Variants in ST8SIA4 observed in about 807,000 individuals in gnomAD.
The protein encoded by ST8SIA4 is ST8 alpha-N-acetyl-neuraminide alpha-2,8-sialyltransferase 4, also known as CMP-N-acetylneuraminate-poly-alpha-2,8-sialyltransferase.
A neutral mutation model predicts 33.9 loss-of-function variants in ST8SIA4; 15 were observed. The observed-to-expected ratio is 0.44, with a 90% CI of 0.30 to 0.68. ST8SIA4 has a LOEUF of 0.68. Among genes scored for constraint, ST8SIA4 ranks in the 30% least tolerant of loss-of-function variants. ST8SIA4 has a pLI of 0.10. For missense variants in ST8SIA4, 321 were observed against 428.0 expected (o/e 0.75, Z 2.21); for synonymous variants, 171 against 151.2 (o/e 1.13, Z -0.96).
At chr5:100,886,810 C>T (rs1439825720) in intron 2 of ST8SIA4, among the ~76,000 whole-genome samples, 1 of 152,042 alleles carries the variant, frequency 6.6e-6, no homozygotes, top group Non-Finnish European at 1.5e-5. Flanking sequence ...ATCATTTGCA[C>T]AGATTCTTAA....
chr5:100,886,481 T>C lies in ST8SIA4; in HGVS notation c.365A>G (p.His122Arg). ...TTCAGGTAGGAGGCTATGTAGATCA[T>C]GAGAAATGTTTAGTGTCCGGCGCCT... Reference protein sequence around the residue: ...LDRRRTLNISHDLHSLLPEVS... With the variant: ...LDRRRTLNISRDLHSLLPEVS... The change falls in exon 3 of 5, where the codon CAT becomes CGT. Residue 122 changes from histidine (H) to arginine (R), a missense_variant. Coordinates refer to ENST00000231461, the MANE Select transcript of ST8SIA4 (RefSeq NM_005668.6). 2 of 1,613,888 alleles carry C rather than the reference T, an allele frequency of 1.2e-6. No homozygotes were observed. The highest frequency in any genetic ancestry group is 1.1e-5 in the South Asian group (1 of 91,082).
intron 4 of ST8SIA4, among the ~76,000 whole-genome samples, chr5:100,816,730 A>G (rs1279960570): frequency 6.6e-6 from 1 of 152,174 alleles, no homozygotes; most frequent in Non-Finnish European, 1.5e-5. Context: ...AAATTCTTCT[A>G]TCTGGAATGT....
At chr5:100,869,764 T>G (rs1399662048) in intron 3 of ST8SIA4, among the ~76,000 whole-genome samples, 1 of 152,170 alleles carries the variant, frequency 6.6e-6, no homozygotes, top group East Asian at 1.9e-4. Flanking sequence ...CCTTCATCAT[T>G]TAAATTCAGC....
intron 3 of ST8SIA4, among the ~76,000 whole-genome samples, chr5:100,870,838 A>G (rs1041641130): frequency 6.6e-6 from 1 of 152,128 alleles, no homozygotes; most frequent in African/African-American, 2.4e-5. Flanking sequence ...TTTAAAATCA[A>G]TAAACAAAAA....
chr5:100,820,644 A>C (rs1751015839), intron 4 of ST8SIA4, among the ~76,000 whole-genome samples: 2 of 152,148 alleles, frequency 1.3e-5, no homozygotes, highest in South Asian at 4.1e-4. Flanking sequence ...GAGAAAAATT[A>C]AACAAAAATA....
intron 4 of ST8SIA4, chr5:100,849,480 T>A: frequency 3.0e-6 from 3 of 984,842 alleles, no homozygotes; most frequent in Non-Finnish European, 3.6e-6. Context: ...TATGTGAGCT[T>A]GAATTTAAGA....
At chr5:100,819,393 A>G (rs1580448125) in intron 4 of ST8SIA4, among the ~76,000 whole-genome samples, 1 of 152,182 alleles carries the variant, frequency 6.6e-6, no homozygotes, top group Non-Finnish European at 1.5e-5. Flanking sequence ...TTTATTCTCT[A>G]TTTTTATTCC....
chr5:100,847,677 C>T (rs1438328014), intron 4 of ST8SIA4, among the ~76,000 whole-genome samples: 20 of 152,096 alleles, frequency 1.3e-4, no homozygotes, highest in Admixed American at 6.5e-5. Flanking sequence ...CTAATGTGTG[C>T]TTTCATTCTT....
At chr5:100,868,284 A>G (rs1288325577) in intron 3 of ST8SIA4, among the ~76,000 whole-genome samples, 2 of 152,108 alleles carry the variant, frequency 1.3e-5, no homozygotes. Context: ...ATTATAACAG[A>G]AAATGACAGT....
At chr5:100,901,523 T>A (rs1242008195) in intron 1 of ST8SIA4, among the ~76,000 whole-genome samples, 1 of 152,144 alleles carries the variant, frequency 6.6e-6, no homozygotes, top group African/African-American at 2.4e-5. Context: ...TTCTAACAAC[T>A]GAGCTAGATT....
intron 4 of ST8SIA4, among the ~76,000 whole-genome samples, chr5:100,848,057 CTTAA>C (rs1201839264): frequency 6.6e-6 from 1 of 151,866 alleles, no homozygotes; most frequent in Non-Finnish European, 1.5e-5. Context: ...TATTTAGTCA[CTTAA>C]AGTAATAATG....
intron 4 of ST8SIA4, among the ~76,000 whole-genome samples, chr5:100,817,456 T>C (rs1222898681): frequency 2.0e-5 from 3 of 152,194 alleles, no homozygotes; most frequent in Non-Finnish European, 4.4e-5. Flanking sequence ...AATATGTCCA[T>C]TCATTCTTAT....
At chr5:100,873,317 T>G (rs984134275) in intron 3 of ST8SIA4, among the ~76,000 whole-genome samples, 2 of 150,524 alleles carry the variant, frequency 1.3e-5, no homozygotes, top group African/African-American at 4.9e-5. Flanking sequence ...AGAGGGAAGA[T>G]GAGGAGAAGA....
At chr5:100,883,316 T>C (rs1443425024) in intron 3 of ST8SIA4, among the ~76,000 whole-genome samples, 1 of 152,204 alleles carries the variant, frequency 6.6e-6, no homozygotes, top group Non-Finnish European at 1.5e-5. Flanking sequence ...GTAACCTTTT[T>C]GTTTTGGCCA....
At chr5:100,892,250 T>C (rs73162274) in intron 2 of ST8SIA4, among the ~76,000 whole-genome samples, 1,590 of 152,240 alleles carry the variant, frequency 0.01, 23 homozygotes, top group African/African-American at 0.034. Context: ...CTACATAATC[T>C]CCCGTACGAT....
intron 1 of ST8SIA4, among the ~76,000 whole-genome samples, chr5:100,898,996 A>G (rs1454023706): frequency 1.3e-5 from 2 of 152,238 alleles, no homozygotes; most frequent in African/African-American, 4.8e-5. Flanking sequence ...GCAGGAATTA[A>G]TCATTTTTTA....
chr5:100,857,810 T>C (rs919959003), intron 3 of ST8SIA4, among the ~76,000 whole-genome samples: 1 of 151,998 alleles, frequency 6.6e-6, no homozygotes, highest in Non-Finnish European at 1.5e-5. Flanking sequence ...ATATATTTCA[T>C]CTCAAATTCT....
intron 4 of ST8SIA4, among the ~76,000 whole-genome samples, chr5:100,849,855 G>T (rs914243627): frequency 6.6e-6 from 1 of 152,024 alleles, no homozygotes; most frequent in Non-Finnish European, 1.5e-5. Context: ...CTGTTGTAGG[G>T]CATGAGATGT....
chr5:100,817,088 G>A lies in ST8SIA4; in HGVS notation c.798-4959C>T, dbSNP rs1481893559. Reference sequence around the variant, plus strand: ...CTCCCAAGTAGCTGGGATTACAGGCGCCCACTACAACACCCAGCTAATTTT... The same window carrying A: ...CTCCCAAGTAGCTGGGATTACAGGCACCCACTACAACACCCAGCTAATTTT... On this transcript the variant is annotated intron_variant, in intron 4 of 4. Transcript: ENST00000231461. 6.2e-5 allele frequency among the ~76,000 whole-genome samples: 9 copies of A among 144,480 alleles called. No individual in the cohort carries two copies. The South Asian group carries it at 1.8e-3, about 28-fold the overall frequency. The allele number at this position is 144,480 out of a possible 152,430, so 94.8% of individuals were successfully genotyped here.
Sources: allele counts gnomAD v4.1 joint callset (sites outside exome capture counted in the v4.1 genomes callset), GRCh38; gene constraint gnomAD v4.1.1; transcripts MANE v1.5; gene names NCBI Gene and HGNC (gene_info 2026-07-23, HGNC 2026-07-21).